Variants in NIPSNAP2 observed in about 807,000 individuals in gnomAD.
NIPSNAP2 encodes the protein protein NipSnap homolog 2.
NIPSNAP2 carries 42 observed loss-of-function variants against 48.4 expected under a neutral mutation model. The ratio of observed to expected loss-of-function variants is 0.87; its 90% CI spans 0.68 to 1.12. The LOEUF (loss-of-function observed/expected upper bound fraction) is 1.12, where lower values mean the gene tolerates loss of function less well. NIPSNAP2 is among the 50% of genes most tolerant of loss of function. NIPSNAP2 has a pLI of 0.00. For synonymous variants in NIPSNAP2, 158 were observed against 126.6 expected, an observed-to-expected ratio of 1.25 and a Z score of -1.67; for missense variants, 314 against 347.3, an observed-to-expected ratio of 0.90 and a Z score of 0.76.
rs71561981 is a variant in NIPSNAP2 at position 55,986,983 on chromosome 7, TA to T, written c.617+2132del. The stretch of plus-strand genomic sequence containing the variant: ...GCAACATGGTGAAACCCTGTCTCTA[TA>T]AAAAAAAAAAAAAAAAAAAAAAAAA... On this transcript the variant is annotated intron_variant, in intron 7 of 9. Transcript: ENST00000322090. 3.0e-3 allele frequency among the ~76,000 whole-genome samples: 164 copies of T among 54,802 alleles called. 1 individual carries two copies. Among genetic ancestry groups the T allele is most frequent in the African/African-American group, 0.01 (130 of 12,394 alleles). 36.0% of individuals were successfully genotyped at this position (54,802 alleles called of 152,430 possible). A position where few individuals can be genotyped will look rare whatever the true frequency, so the allele number is the denominator to read the frequency against.
At chr7:55,990,975 G>C (rs1273622426) in intron 7 of NIPSNAP2, among the ~76,000 whole-genome samples, 3 of 151,880 alleles carry the variant, frequency 2.0e-5, no homozygotes, top group Admixed American at 6.6e-5. Context: ...ATTTTTAGTA[G>C]AGACAGAGTT....
rs1227843427 is a variant in NIPSNAP2 at position 55,998,146 on chromosome 7, C to T, written c.796+697C>T. 2.0e-5 allele frequency among the ~76,000 whole-genome samples: 3 copies of T among 152,044 alleles called. No homozygotes were observed. In the East Asian group the frequency reaches 5.8e-4, roughly 30 times the overall value. On this transcript the variant is annotated intron_variant, in intron 9 of 9. Coordinates refer to ENST00000322090, the MANE Select transcript of NIPSNAP2 (RefSeq NM_001483.3). ...ACCAGCCTGACGAACATGATGAAAC[C>T]TGTCTCCATTTGAGAGACTGAGGCA...
chr7:55,985,061 T>A (rs1175637334), intron 7 of NIPSNAP2, among the ~76,000 whole-genome samples, 183 bp downstream of exon 7: 1 of 152,180 alleles, frequency 6.6e-6, no homozygotes, highest in Admixed American at 6.6e-5. Flanking sequence ...ATAATGGGGC[T>A]CCCCTTCCAC....
chr7:55,966,638 C>T (rs1786901418), intron 1 of NIPSNAP2, among the ~76,000 whole-genome samples: 1 of 152,000 alleles, frequency 6.6e-6, no homozygotes, highest in Admixed American at 6.6e-5. Flanking sequence ...AAAAATTAGC[C>T]CGGCATGGTG....
chr7:55,967,930 A>G (rs949900820), intron 1 of NIPSNAP2, among the ~76,000 whole-genome samples: 1 of 151,686 alleles, frequency 6.6e-6, no homozygotes, highest in African/African-American at 2.4e-5. Flanking sequence ...CATTACAGGG[A>G]TGAATCACCA....
chr7:55,993,700 G>A (rs964081135), intron 7 of NIPSNAP2, among the ~76,000 whole-genome samples: 10 of 151,734 alleles, frequency 6.6e-5, no homozygotes, highest in Admixed American at 2.6e-4. Flanking sequence ...AGATCACGCC[G>A]CTGCACTCCA....
intron 8 of NIPSNAP2, among the ~76,000 whole-genome samples, chr7:55,996,804 G>A (rs1456206192): frequency 6.6e-6 from 1 of 152,154 alleles, no homozygotes; most frequent in Non-Finnish European, 1.5e-5. Flanking sequence ...GAGTCGGGAG[G>A]ATCACTTGAG....
chr7:55,967,745 T>C (rs1584336434), intron 1 of NIPSNAP2, among the ~76,000 whole-genome samples: 1 of 151,740 alleles, frequency 6.6e-6, no homozygotes, highest in East Asian at 1.9e-4. Flanking sequence ...ACCTCCTGGG[T>C]TCAAGCAGTT....
intron 3 of NIPSNAP2, chr7:55,979,804 T>G (rs1037537231): frequency 2.8e-5 from 13 of 456,578 alleles, no homozygotes; most frequent in African/African-American, 2.6e-4. Flanking sequence ...CCTGCCTGGT[T>G]TTTAGGGGTC....
intron 1 of NIPSNAP2, among the ~76,000 whole-genome samples, chr7:55,970,857 A>G (rs1346573462): frequency 1.3e-5 from 2 of 151,954 alleles, no homozygotes; most frequent in Non-Finnish European, 2.9e-5. Flanking sequence ...GAGTGCCCCT[A>G]CTGGAGTCCC....
At chr7:55,977,922 C>G (rs1471744865) in intron 1 of NIPSNAP2, among the ~76,000 whole-genome samples, 1 of 152,122 alleles carries the variant, frequency 6.6e-6, no homozygotes, top group Non-Finnish European at 1.5e-5. Flanking sequence ...TAAATGTGGG[C>G]TCTCTTATAG....
chr7:55,983,586 A>G (rs1490673725), intron 5 of NIPSNAP2, 142 bp from the exon 6 acceptor site: 1 of 652,482 alleles, frequency 1.5e-6, no homozygotes, highest in African/African-American at 1.8e-5. Flanking sequence ...CAAGCTCAAC[A>G]GATGTAAACT....
At chr7:55,964,755 G>A in intron 1 of NIPSNAP2, 54 bp downstream of exon 1, 1 of 939,786 alleles carries the variant, frequency 1.1e-6, no homozygotes, top group Non-Finnish European at 1.3e-6. Context: ...CCGCGAGGCG[G>A]AGGGCGCGGG....
At chr7:55,989,016 A>C (rs913714575) in intron 7 of NIPSNAP2, among the ~76,000 whole-genome samples, 3 of 152,150 alleles carry the variant, frequency 2.0e-5, no homozygotes, top group African/African-American at 7.2e-5. Flanking sequence ...AGGCTAAATA[A>C]TGCAAGTTAG....
chr7:55,965,031 AG>A (rs989249454), intron 1 of NIPSNAP2: 1 of 157,662 alleles, frequency 6.3e-6, no homozygotes, highest in Non-Finnish European at 1.4e-5. Flanking sequence ...GGCCAGGGAC[AG>A]GGACAGCGCG....
chr7:55,992,407 T>A (rs1486590135), intron 7 of NIPSNAP2, among the ~76,000 whole-genome samples: 1 of 152,116 alleles, frequency 6.6e-6, no homozygotes, highest in Non-Finnish European at 1.5e-5. Flanking sequence ...GGAGGCTCCC[T>A]CGAGCCCAAG....
chr7:55,985,188 T>A (rs1439965329), intron 7 of NIPSNAP2, among the ~76,000 whole-genome samples: 1 of 152,202 alleles, frequency 6.6e-6, no homozygotes. Context: ...TCATAAATAT[T>A]TCAGTACTAT....
intron 1 of NIPSNAP2, among the ~76,000 whole-genome samples, chr7:55,969,780 G>C (rs374027845): frequency 2.0e-5 from 3 of 151,990 alleles, no homozygotes; most frequent in Admixed American, 6.6e-5. Flanking sequence ...TCAGGAGATC[G>C]AGACCATCCT....
chr7:55,969,336 C>CT (rs1298643941), intron 1 of NIPSNAP2, among the ~76,000 whole-genome samples: 5 of 151,676 alleles, frequency 3.3e-5, no homozygotes, highest in African/African-American at 1.2e-4. Flanking sequence ...AACCTCTTCT[C>CT]TCCCCCGGGT....
Sources: gnomAD v4.1 joint callset for allele counts (sites outside exome capture counted in the v4.1 genomes callset) on GRCh38, gnomAD v4.1.1 for gene constraint, MANE v1.5 for transcripts, NCBI Gene and HGNC (gene_info 2026-07-23, HGNC 2026-07-21) for gene names.